The following VKORC1L1 variants were observed in gnomAD, a reference collection of about 807,000 sequenced individuals.
The protein encoded by VKORC1L1 is vitamin K epoxide reductase complex subunit 1L1.
A neutral mutation model predicts 18.9 loss-of-function variants in VKORC1L1; 2 were observed. That is an observed-to-expected ratio of 0.11 (90% confidence interval 0.04 to 0.33). VKORC1L1 has a LOEUF of 0.33. Ranked by LOEUF, VKORC1L1 falls within the 10% of genes least tolerant of loss-of-function variation. The probability of loss-of-function intolerance (pLI) is 1.00; values close to 1 mark genes in which losing one functional copy is unlikely to be tolerated. For missense variants in VKORC1L1, 123 were observed against 224.1 expected (o/e 0.55, Z 2.88); for synonymous variants, 96 against 100.0 (o/e 0.96, Z 0.24).
intron 1 of VKORC1L1, among the ~76,000 whole-genome samples, chr7:65,898,512 G>T (rs557380013): frequency 2.6e-5 from 4 of 152,130 alleles, no homozygotes; most frequent in Non-Finnish European, 5.9e-5. Context: ...TTGTGTATGG[G>T]TGTGTTTTAT....
intron 1 of VKORC1L1, among the ~76,000 whole-genome samples, chr7:65,888,084 T>C (rs186343288): frequency 1.3e-5 from 2 of 152,210 alleles, no homozygotes; most frequent in Non-Finnish European, 2.9e-5. Context: ...AACCCGCCCC[T>C]GTGTGTGTAT....
At chr7:65,875,809 G>A (rs1788818155) in intron 1 of VKORC1L1, among the ~76,000 whole-genome samples, 1 of 152,178 alleles carries the variant, frequency 6.6e-6, no homozygotes, top group Admixed American at 6.5e-5. Context: ...ACTCAAATAT[G>A]TGACTCTTTT....
chr7:65,942,845 C>G (rs1322998932), intron 1 of VKORC1L1, among the ~76,000 whole-genome samples: 1 of 151,976 alleles, frequency 6.6e-6, no homozygotes, highest in Non-Finnish European at 1.5e-5. Context: ...GATGTCTGGA[C>G]CGTGCAACTT....
chr7:65,919,938 A>T (rs1191403192), intron 1 of VKORC1L1, among the ~76,000 whole-genome samples: 1 of 152,068 alleles, frequency 6.6e-6, no homozygotes, highest in African/African-American at 2.4e-5. Context: ...CACCCCTTGG[A>T]TGCCCATTTT....
At chr7:65,897,370 C>G (rs527255693) in intron 1 of VKORC1L1, among the ~76,000 whole-genome samples, 4 of 152,056 alleles carry the variant, frequency 2.6e-5, no homozygotes, top group Non-Finnish European at 4.4e-5. Flanking sequence ...TAGCTACTTC[C>G]GTATATTAAT....
intron 2 of VKORC1L1, 48 bp from the exon 3 acceptor site, chr7:65,954,026 T>A (rs774432542): frequency 1.3e-6 from 2 of 1,517,886 alleles, no homozygotes; most frequent in Non-Finnish European, 1.8e-6. Context: ...TCAGAAAGCC[T>A]CTCTCCAGCA....
chr7:65,900,746 C>T (rs1356465451), intron 1 of VKORC1L1, among the ~76,000 whole-genome samples: 1 of 151,576 alleles, frequency 6.6e-6, no homozygotes, highest in Non-Finnish European at 1.5e-5. Context: ...CAGAGGTTGC[C>T]GTGAGCCAAG....
At chr7:65,878,455 A>C (rs73142137) in intron 1 of VKORC1L1, among the ~76,000 whole-genome samples, 1 of 151,976 alleles carries the variant, frequency 6.6e-6, no homozygotes, top group South Asian at 2.1e-4. Context: ...CTTACAAAAA[A>C]AAAAAAGAAC....
At chr7:65,918,981 G>C (rs992600756) in intron 1 of VKORC1L1, among the ~76,000 whole-genome samples, 1 of 152,160 alleles carries the variant, frequency 6.6e-6, no homozygotes, top group Non-Finnish European at 1.5e-5. Context: ...TGTAATCCCA[G>C]CTACTCCGGA....
intron 1 of VKORC1L1, among the ~76,000 whole-genome samples, chr7:65,920,481 C>T (rs373536187): frequency 6.6e-6 from 1 of 152,048 alleles, no homozygotes. Flanking sequence ...TAGGAGACAC[C>T]GTTATTGATT....
chr7:65,912,724 C>G (rs545142669), intron 1 of VKORC1L1, among the ~76,000 whole-genome samples: 2 of 152,188 alleles, frequency 1.3e-5, no homozygotes, highest in South Asian at 4.2e-4. Flanking sequence ...ACTCCTCCCA[C>G]CCATCAGGTG....
At chr7:65,870,360 G>A (rs1198210618), upstream of VKORC1L1, among the ~76,000 whole-genome samples, 1 of 152,026 alleles carries the variant, frequency 6.6e-6, no homozygotes, top group Admixed American at 6.6e-5. Context: ...AACATGGGAG[G>A]TGGAGGTTGC....
intron 1 of VKORC1L1, among the ~76,000 whole-genome samples, chr7:65,947,763 C>G (rs184261713): frequency 6.6e-6 from 1 of 151,798 alleles, no homozygotes; most frequent in Non-Finnish European, 1.5e-5. Flanking sequence ...CAGTCTCGGC[C>G]CACTGCAACC....
intron 1 of VKORC1L1, among the ~76,000 whole-genome samples, chr7:65,885,060 C>G (rs1788989912): frequency 6.6e-6 from 1 of 152,138 alleles, no homozygotes; most frequent in African/African-American, 2.4e-5. Flanking sequence ...ATTTCCCATT[C>G]TGATATTGTG....
chr7:65,916,999 C>T (rs1364193322), intron 1 of VKORC1L1, among the ~76,000 whole-genome samples: 2 of 152,072 alleles, frequency 1.3e-5, no homozygotes, highest in Non-Finnish European at 2.9e-5. Flanking sequence ...TATATCTTAT[C>T]CCTTTTCTTC....
intron 1 of VKORC1L1, among the ~76,000 whole-genome samples, chr7:65,877,858 C>G (rs548985906): frequency 6.6e-6 from 1 of 152,194 alleles, no homozygotes; most frequent in East Asian, 1.9e-4. Flanking sequence ...CCTGTTTTTA[C>G]TGAGATCCTG....
At chr7:65,901,041 C>T (rs758435026) in intron 1 of VKORC1L1, among the ~76,000 whole-genome samples, 9 of 151,880 alleles carry the variant, frequency 5.9e-5, no homozygotes, top group Non-Finnish European at 1.0e-4. Flanking sequence ...TGGAAACTTG[C>T]CTAGAACTTT....
upstream of VKORC1L1, among the ~76,000 whole-genome samples, chr7:65,872,187 G>C (rs1162993931): frequency 6.6e-6 from 1 of 151,982 alleles, no homozygotes; most frequent in Admixed American, 6.6e-5. Flanking sequence ...CTTATTCCTG[G>C]CCTTTCATTT....
intron 1 of VKORC1L1, among the ~76,000 whole-genome samples, chr7:65,917,372 C>T (rs533275888): frequency 1.9e-4 from 29 of 152,262 alleles, no homozygotes; most frequent in Non-Finnish European, 3.5e-4. Context: ...TTTTTGCCTG[C>T]ATAGGACAGT....
Sources: gnomAD v4.1 joint callset for allele counts (sites outside exome capture counted in the v4.1 genomes callset) on GRCh38, gnomAD v4.1.1 for gene constraint, MANE v1.5 for transcripts, NCBI Gene and HGNC (gene_info 2026-07-23, HGNC 2026-07-21) for gene names.